Variants in CFAP299 observed in about 807,000 individuals in gnomAD.
CFAP299 encodes the protein cilia and flagella associated protein 299.
Under a neutral mutation model 27.0 loss-of-function variants are expected in CFAP299, and 21 were observed. The ratio of observed to expected loss-of-function variants is 0.78; its 90% CI spans 0.55 to 1.12. The LOEUF is 1.12. Among genes scored for constraint, CFAP299 ranks in the 50% most tolerant of loss-of-function variants. CFAP299 has a pLI of 0.00. For missense variants in CFAP299, 310 were observed against 276.6 expected, an observed-to-expected ratio of 1.12 and a Z score of -0.86; for synonymous variants, 104 against 98.1, an observed-to-expected ratio of 1.06 and a Z score of -0.36.
chr4:80,887,438 GT>G (rs1734027022), intron 4 of CFAP299, among the ~76,000 whole-genome samples: 1 of 146,214 alleles, frequency 6.8e-6, no homozygotes, highest in Non-Finnish European at 1.5e-5. Context: ...CATATTTAAA[GT>G]GCTGAAAGAA....
intron 3 of CFAP299, among the ~76,000 whole-genome samples, chr4:80,641,833 A>G (rs908111943): frequency 1.3e-5 from 2 of 152,230 alleles, no homozygotes; most frequent in Admixed American, 6.5e-5. Flanking sequence ...GGCATGTGAG[A>G]TAAATAGATG....
intron 3 of CFAP299, among the ~76,000 whole-genome samples, chr4:80,664,421 T>C (rs1741034433): frequency 6.6e-6 from 1 of 152,116 alleles, no homozygotes; most frequent in African/African-American, 2.4e-5. Flanking sequence ...GCTGCCTTTC[T>C]TTCAGAGATG....
chr4:80,683,818 G>C lies in CFAP299; in HGVS notation c.333+100635G>C, dbSNP rs890849246. On this transcript the variant is annotated intron_variant, in intron 3 of 5. Transcript: ENST00000358105. ...TTATCAAGCATGTACTATTTACACA[G>C]TACCTTATCCACAGCAGATGCCTAA... Among the ~76,000 whole-genome samples, 5 of 152,276 alleles carry C rather than the reference G, an allele frequency of 3.3e-5. No individual in the cohort carries two copies. The South Asian group carries it at 8.3e-4, about 25-fold the overall frequency.
intron 3 of CFAP299, among the ~76,000 whole-genome samples, chr4:80,631,879 A>C (rs1739233481): frequency 2.0e-5 from 1 of 49,090 alleles, no homozygotes. Context: ...CCCCCAACCA[A>C]ATTCATATGT....
At position 80,780,715 on chromosome 4, in the gene CFAP299, T is replaced by TTA. The variant is rs201695153; in HGVS notation, c.334-89265_334-89264dup. The stretch of plus-strand genomic sequence containing the variant: ...ATTGCTAATGACATGCAAATAGAAA[T>TTA]TATATATATATATACACAACTAAAT... On this transcript the variant is annotated intron_variant, in intron 3 of 5. Transcript: ENST00000358105. 3.2e-3 allele frequency among the ~76,000 whole-genome samples: 481 copies of TTA among 151,140 alleles called. 1 individual carries two copies. The highest frequency in any genetic ancestry group is 0.014 in the East Asian group (71 of 5,172).
chr4:80,691,590 C>A (rs1439157940), intron 3 of CFAP299, among the ~76,000 whole-genome samples: 1 of 151,696 alleles, frequency 6.6e-6, no homozygotes, highest in Non-Finnish European at 1.5e-5. Context: ...CAATATCATA[C>A]TGAATGGGCA....
Position 80,387,703 on chromosome 4 carries a change from A to G in CFAP299, c.242+24819A>G, listed in dbSNP as rs919780494. On this transcript the variant is annotated intron_variant, in intron 2 of 5. Transcript: ENST00000358105. ...CTGGGCAAAGGCATGGCCACATGCA[A>G]TGCATTGGAAGGGCTTCTCACCTGT... is the stretch of plus-strand genomic sequence containing the variant. 46 of 1,579,368 alleles carry G rather than the reference A, an allele frequency of 2.9e-5. No individual in the cohort carries two copies. In the African/African-American group the frequency reaches 5.0e-4, roughly 17 times the overall value.
intron 3 of CFAP299, among the ~76,000 whole-genome samples, chr4:80,645,112 A>G (rs990233404): frequency 6.6e-6 from 1 of 151,870 alleles, no homozygotes; most frequent in Non-Finnish European, 1.5e-5. Context: ...TTCAAACCCA[A>G]AGTTTCTCAG....
intron 3 of CFAP299, among the ~76,000 whole-genome samples, chr4:80,674,670 A>C (rs1240742407): frequency 6.6e-6 from 1 of 152,096 alleles, no homozygotes; most frequent in Non-Finnish European, 1.5e-5. Flanking sequence ...GATCAAACGA[A>C]GATTTGGTCT....
intron 3 of CFAP299, among the ~76,000 whole-genome samples, chr4:80,783,636 C>A (rs533353235): frequency 6.6e-6 from 1 of 152,132 alleles, no homozygotes; most frequent in East Asian, 1.9e-4. Flanking sequence ...AGCAATATAT[C>A]ATTGCAAAAG....
chr4:80,891,774 AAAT>A lies in CFAP299; in HGVS notation c.476+21640_476+21642del, dbSNP rs1374956235. ...AAAACTTAGAGTATAATAAAAAAAA[AAAT>A]TAAAAAAAAAATAAAAAAAAAAATA... On this transcript the variant is annotated intron_variant, in intron 4 of 5. Coordinates refer to ENST00000358105, the MANE Select transcript of CFAP299 (RefSeq NM_152770.3). 2.6e-3 allele frequency among the ~76,000 whole-genome samples: 306 copies of A among 115,662 alleles called. 1 individual carries two copies. Among genetic ancestry groups the A allele is most frequent in the African/African-American group, 0.013 (280 of 20,750 alleles). 75.9% of individuals were successfully genotyped at this position (115,662 alleles called of 152,430 possible).
intron 3 of CFAP299, among the ~76,000 whole-genome samples, chr4:80,583,982 C>G (rs1194944463): frequency 6.6e-6 from 1 of 151,900 alleles, no homozygotes; most frequent in East Asian, 1.9e-4. Context: ...TTCCCACTAT[C>G]AGGTCCACTG....
chr4:80,667,237 G>A (rs927490352), intron 3 of CFAP299, among the ~76,000 whole-genome samples: 7 of 151,822 alleles, frequency 4.6e-5, no homozygotes, highest in East Asian at 1.9e-4. Context: ...ACATATTCTC[G>A]GGTATTTGTG....
chr4:80,354,485 A>G (rs942348853), intron 1 of CFAP299, among the ~76,000 whole-genome samples: 12 of 152,182 alleles, frequency 7.9e-5, no homozygotes, highest in Admixed American at 7.2e-4. Context: ...TTTATTAATT[A>G]CAACATATTT....
At chr4:80,657,578 T>A (rs375918199) in intron 3 of CFAP299, among the ~76,000 whole-genome samples, 1 of 152,158 alleles carries the variant, frequency 6.6e-6, no homozygotes, top group South Asian at 2.1e-4. Flanking sequence ...TTCTGTTCTA[T>A]TGGTCTATAT....
At chr4:80,412,268 T>A (rs1326134585) in intron 2 of CFAP299, among the ~76,000 whole-genome samples, 2 of 54,634 alleles carry the variant, frequency 3.7e-5, no homozygotes, top group African/African-American at 8.9e-5. Flanking sequence ...AATCCACATA[T>A]AGTCCTTTTT....
chr4:80,365,872 A>G (rs1050283341), intron 2 of CFAP299, among the ~76,000 whole-genome samples: 1 of 152,246 alleles, frequency 6.6e-6, no homozygotes, highest in African/African-American at 2.4e-5. Flanking sequence ...GGATCAAAGT[A>G]GGTATTTCCT....
Position 80,605,575 on chromosome 4 carries a change from AT to A in CFAP299, c.333+22396del, listed in dbSNP as rs554622792. Among the ~76,000 whole-genome samples, 900 of 152,296 alleles carry A rather than the reference AT, an allele frequency of 5.9e-3. 8 individuals carry two copies. The highest frequency in any genetic ancestry group is 0.02 in the South Asian group (97 of 4,822). ...TCAGGAATGTGTTTTCAAGAATGAGATTTTGCTTGTGGTATTTCATTCTGGC... is the reference window on the plus strand; with the variant it reads ...TCAGGAATGTGTTTTCAAGAATGAGATTTGCTTGTGGTATTTCATTCTGGC... On this transcript the variant is annotated intron_variant, in intron 3 of 5. Transcript: ENST00000358105.
At chr4:80,475,002 G>T (rs1235008586) in intron 2 of CFAP299, among the ~76,000 whole-genome samples, 2 of 152,160 alleles carry the variant, frequency 1.3e-5, no homozygotes, top group African/African-American at 4.8e-5. Flanking sequence ...CCCAGCAGAG[G>T]TTTGTCAGCT....
Sources: allele counts gnomAD v4.1 joint callset (sites outside exome capture counted in the v4.1 genomes callset), GRCh38; gene constraint gnomAD v4.1.1; transcripts MANE v1.5; gene names NCBI Gene and HGNC (gene_info 2026-07-23, HGNC 2026-07-21).